Variants in DNAAF11 observed in about 807,000 individuals in gnomAD.
DNAAF11 encodes the protein dynein axonemal assembly factor 11.
Under a neutral mutation model 60.8 loss-of-function variants are expected in DNAAF11, and 45 were observed. The observed-to-expected ratio is 0.74, with a 90% CI of 0.58 to 0.95. The LOEUF (loss-of-function observed/expected upper bound fraction) is 0.95. Among genes scored for constraint, DNAAF11 ranks in the 40% least tolerant of loss-of-function variants. The probability of loss-of-function intolerance (pLI) is 0.00; values close to 1 mark genes in which losing one functional copy is unlikely to be tolerated. For synonymous variants in DNAAF11, 191 were observed against 183.5 expected (o/e 1.04, Z -0.33); for missense variants, 546 against 546.2 (o/e 1.00, Z 0.00).
chr8:132,612,542 A>G (rs1346385009), intron 8 of DNAAF11, among the ~76,000 whole-genome samples: 1 of 152,060 alleles, frequency 6.6e-6, no homozygotes, highest in Non-Finnish European at 1.5e-5. Context: ...CCCGCACAGC[A>G]TTATTCCCAT....
the DNAAF11 span, among the ~76,000 whole-genome samples, chr8:132,689,776 T>C: frequency 6.6e-6 from 1 of 152,052 alleles, no homozygotes; most frequent in Admixed American, 6.6e-5. Flanking sequence ...CAGGCTGAAG[T>C]GCAGTGGCAC....
chr8:132,696,109 C>T, the DNAAF11 span, among the ~76,000 whole-genome samples: 11 of 152,174 alleles, frequency 7.2e-5, no homozygotes, highest in Admixed American at 7.2e-4. Context: ...GTGCATATGC[C>T]TAACTTGGGG....
intron 10 of DNAAF11, among the ~76,000 whole-genome samples, chr8:132,607,021 T>C (rs2129877654): frequency 6.6e-6 from 1 of 152,230 alleles, no homozygotes; most frequent in Non-Finnish European, 1.5e-5. Flanking sequence ...CCTAAGGGTA[T>C]AGTGTTTTGA....
upstream of DNAAF11, among the ~76,000 whole-genome samples, chr8:132,678,683 T>C (rs2130935906): frequency 6.6e-6 from 1 of 152,108 alleles, no homozygotes; most frequent in Admixed American, 6.5e-5. Context: ...CCGTGACTGG[T>C]GCCTAGTGCC....
At chr8:132,656,606 G>A (rs1186093616) in intron 3 of DNAAF11, among the ~76,000 whole-genome samples, 2 of 152,128 alleles carry the variant, frequency 1.3e-5, no homozygotes, top group Non-Finnish European at 2.9e-5. Context: ...TGAGTAGCTG[G>A]GATTACAGGT....
chr8:132,614,617 T>C (rs1040578700), intron 8 of DNAAF11, among the ~76,000 whole-genome samples: 3 of 152,056 alleles, frequency 2.0e-5, no homozygotes, highest in African/African-American at 2.4e-5. Context: ...AAGGGTCCAC[T>C]GGTGACAGGG....
chr8:132,623,758 T>C (rs1273460540), intron 6 of DNAAF11, among the ~76,000 whole-genome samples: 2 of 152,186 alleles, frequency 1.3e-5, no homozygotes, highest in Admixed American at 6.5e-5. Flanking sequence ...TTCTGCATTT[T>C]AAACTGGGCC....
intron 2 of DNAAF11, among the ~76,000 whole-genome samples, chr8:132,659,468 A>G (rs1203432092): frequency 6.6e-6 from 1 of 152,182 alleles, no homozygotes; most frequent in Non-Finnish European, 1.5e-5. Context: ...CATGCTCCTA[A>G]TTAGTAATTG....
At chr8:132,663,910 A>G (rs1330535063) in intron 1 of DNAAF11, among the ~76,000 whole-genome samples, 1 of 152,158 alleles carries the variant, frequency 6.6e-6, no homozygotes, top group Non-Finnish European at 1.5e-5. Flanking sequence ...TATAGGCTGG[A>G]GTGTCCATGC....
Position 132,656,873 on chromosome 8 carries a change from C to A in DNAAF11, c.213G>T (p.Leu71Phe). 7.2e-7 allele frequency: 1 copy of A among 1,384,902 alleles called. No homozygotes were observed. Among genetic ancestry groups the A allele is most frequent in the Admixed American group, 1.9e-5 (1 of 53,014 alleles). 85.8% of individuals were successfully genotyped at this position (1,384,902 alleles called of 1,614,324 possible). ...NVSKLKKLEYLNLALNNIEKI... is the reference protein window; with the variant it reads ...NVSKLKKLEYFNLALNNIEKI... Reference sequence around the variant, plus strand: ...TTTCAATGTTGTTTAAAGCTAAATTCAAATATTCAAGTTTCTTGAGTTTGC... The same window carrying A: ...TTTCAATGTTGTTTAAAGCTAAATTAAAATATTCAAGTTTCTTGAGTTTGC... Residue 71 changes from leucine (L) to phenylalanine (F), a missense_variant, in exon 3 of 12, where the codon TTG becomes TTT. By Grantham distance (22) the Leu-to-Phe change is conservative. Coordinates refer to ENST00000620350, the MANE Select transcript of DNAAF11 (RefSeq NM_012472.6).
chr8:132,610,132 C>T, intron 10 of DNAAF11, 34 bp downstream of exon 10: 3 of 1,497,858 alleles, frequency 2.0e-6, no homozygotes, highest in Non-Finnish European at 2.8e-6. Flanking sequence ...CCCTCATATC[C>T]AGACTTGAAA....
At chr8:132,594,795 C>T (rs1816817699) in intron 10 of DNAAF11, among the ~76,000 whole-genome samples, 1 of 152,074 alleles carries the variant, frequency 6.6e-6, no homozygotes, top group African/African-American at 2.4e-5. Context: ...CCATGCAGAA[C>T]TTTGAGTCAA....
intron 10 of DNAAF11, among the ~76,000 whole-genome samples, chr8:132,600,294 C>T (rs1192398414): frequency 2.0e-5 from 3 of 152,190 alleles, no homozygotes; most frequent in Admixed American, 6.5e-5. Flanking sequence ...AATGGAAGAA[C>T]ATTCCATGCT....
At chr8:132,573,115 CAGATATAGATAT>C (rs900985379) in intron 11 of DNAAF11, among the ~76,000 whole-genome samples, 2 of 151,890 alleles carry the variant, frequency 1.3e-5, no homozygotes, top group South Asian at 2.1e-4. Flanking sequence ...GATATAGATA[CAGATATAGATAT>C]AGATATAGAT....
chr8:132,655,333 A>G (rs780820348), intron 3 of DNAAF11, among the ~76,000 whole-genome samples: 16 of 152,246 alleles, frequency 1.1e-4, no homozygotes, highest in Non-Finnish European at 2.2e-4. Context: ...TTAAAGAAGA[A>G]TTAACACAAA....
intron 10 of DNAAF11, among the ~76,000 whole-genome samples, chr8:132,605,587 G>A (rs544343215): frequency 7.2e-5 from 11 of 152,094 alleles, no homozygotes; most frequent in Non-Finnish European, 1.5e-4. Flanking sequence ...CCTGTTCTCA[G>A]GAAGCTTAAA....
the DNAAF11 span, among the ~76,000 whole-genome samples, chr8:132,687,052 G>T: frequency 7.9e-5 from 12 of 152,004 alleles, no homozygotes; most frequent in African/African-American, 2.9e-4. Flanking sequence ...ACCCATAGAA[G>T]ACACTCAATG....
chr8:132,671,678 C>T (rs1029226204), intron 1 of DNAAF11, among the ~76,000 whole-genome samples: 11 of 151,952 alleles, frequency 7.2e-5, no homozygotes, highest in Non-Finnish European at 1.5e-4. Context: ...CAGAGGAAGA[C>T]AAATAAATCA....
intron 1 of DNAAF11, among the ~76,000 whole-genome samples, chr8:132,673,297 C>CT (rs940055129): frequency 2.0e-5 from 3 of 152,150 alleles, no homozygotes; most frequent in Admixed American, 2.0e-4. Flanking sequence ...CCTTCCCTGC[C>CT]TTAAAAGGCT....
Sources: gnomAD v4.1 joint callset for allele counts (sites outside exome capture counted in the v4.1 genomes callset) on GRCh38, gnomAD v4.1.1 for gene constraint, MANE v1.5 for transcripts, NCBI Gene and HGNC (gene_info 2026-07-23, HGNC 2026-07-21) for gene names.